The following SPAG16 variants were observed in gnomAD, a reference collection of about 807,000 sequenced individuals.
SPAG16 encodes sperm associated antigen 16.
Under a neutral mutation model 80.4 loss-of-function variants are expected in SPAG16, and 86 were observed. The observed-to-expected ratio is 1.07, with a 90% confidence interval of 0.90 to 1.28. SPAG16 has a LOEUF of 1.28. Among genes scored for constraint, SPAG16 ranks in the 50% most tolerant of loss-of-function variants. The probability of loss-of-function intolerance (pLI) is 0.00; values close to 1 mark genes in which losing one functional copy is unlikely to be tolerated. For missense variants in SPAG16, 870 were observed against 765.3 expected (o/e 1.14, Z -1.61); for synonymous variants, 294 against 265.9 (o/e 1.11, Z -1.03).
chr2:213,803,006 C>G (rs2556296), intron 10 of SPAG16, among the ~76,000 whole-genome samples: 1 of 151,494 alleles, frequency 6.6e-6, no homozygotes, highest in Admixed American at 6.6e-5. Flanking sequence ...GGGCAGTGTA[C>G]GTAGGAATCT....
intron 3 of SPAG16, among the ~76,000 whole-genome samples, chr2:213,298,409 G>A (rs1477521375): frequency 6.6e-6 from 1 of 152,144 alleles, no homozygotes. Flanking sequence ...CAACTGATAT[G>A]TTTATTCATT....
chr2:213,633,255 T>C (rs1258344252), intron 10 of SPAG16, among the ~76,000 whole-genome samples: 2 of 152,182 alleles, frequency 1.3e-5, no homozygotes, highest in Non-Finnish European at 1.5e-5. Flanking sequence ...TATGTTGGCA[T>C]ATAGTTGCTC....
At chr2:213,360,881 A>G (rs1232259851) in intron 7 of SPAG16, among the ~76,000 whole-genome samples, 1 of 152,168 alleles carries the variant, frequency 6.6e-6, no homozygotes, top group African/African-American at 2.4e-5. Flanking sequence ...TTCATTTCCA[A>G]CCAAACTTTA....
chr2:213,951,083 T>G (rs935331812), intron 12 of SPAG16, among the ~76,000 whole-genome samples: 2 of 152,008 alleles, frequency 1.3e-5, no homozygotes, highest in Non-Finnish European at 2.9e-5. Context: ...GAAGCACTTT[T>G]AGTTTGATAA....
intron 10 of SPAG16, among the ~76,000 whole-genome samples, chr2:213,511,826 A>G (rs1438788667): frequency 1.3e-5 from 2 of 152,114 alleles, no homozygotes. Flanking sequence ...TTATAGAGCT[A>G]TATAAAACAG....
Position 213,943,880 on chromosome 2 carries a change from C to T in SPAG16, c.1400+13735C>T, listed in dbSNP as rs761044580. Among the ~76,000 whole-genome samples the T allele has an allele frequency of 1.4e-4, 21 of 152,158 alleles. No homozygotes were observed. The South Asian group carries it at 1.9e-3, about 14-fold the overall frequency. ...TCTCAACAGAAGCCAGTTATAGAGACGGAAATACACCACAGAAATACTGGC... is the reference window on the plus strand; with the variant it reads ...TCTCAACAGAAGCCAGTTATAGAGATGGAAATACACCACAGAAATACTGGC... On this transcript the variant is annotated intron_variant, in intron 12 of 15. Coordinates refer to ENST00000331683, the MANE Select transcript of SPAG16 (RefSeq NM_024532.5).
intron 9 of SPAG16, among the ~76,000 whole-genome samples, chr2:213,417,116 G>T (rs1427509102): frequency 6.6e-5 from 10 of 152,154 alleles, no homozygotes; most frequent in Admixed American, 5.9e-4. Context: ...CTTATCAAAG[G>T]CATGATCTTG....
chr2:214,401,691 A>C (rs1385979050), intron 15 of SPAG16, among the ~76,000 whole-genome samples: 1 of 151,898 alleles, frequency 6.6e-6, no homozygotes, highest in Non-Finnish European at 1.5e-5. Flanking sequence ...TCTTATAACA[A>C]AGCTCCATTC....
At position 213,644,356 on chromosome 2, in the gene SPAG16, T is replaced by C. The variant is rs573912468; in HGVS notation, c.1070+154266T>C. The stretch of plus-strand genomic sequence containing the variant: ...TCCAGGATTGGTTCCTGGTGACTTA[T>C]TTAGTTTATTTGGTGAGGTCATGTT... On this transcript the variant is annotated intron_variant, in intron 10 of 15. Transcript: ENST00000331683. Among the ~76,000 whole-genome samples the C allele has an allele frequency of 7.6e-4, 115 of 152,216 alleles. 2 individuals carry two copies. In the Middle Eastern group the frequency reaches 0.01, roughly 14 times the overall value.
intron 13 of SPAG16, among the ~76,000 whole-genome samples, chr2:214,030,247 A>C (rs2048343249): frequency 6.6e-6 from 1 of 152,142 alleles, no homozygotes. Flanking sequence ...CTGAGGTTGG[A>C]TTATTTCACT....
intron 12 of SPAG16, among the ~76,000 whole-genome samples, chr2:214,003,330 A>G (rs1250950806): frequency 6.6e-6 from 1 of 152,192 alleles, no homozygotes; most frequent in African/African-American, 2.4e-5. Context: ...ATTTCTATAC[A>G]ATGTATATGT....
chr2:213,759,266 G>A (rs887821089), intron 10 of SPAG16, among the ~76,000 whole-genome samples: 2 of 151,812 alleles, frequency 1.3e-5, no homozygotes, highest in African/African-American at 4.8e-5. Flanking sequence ...AATTATAAAA[G>A]CTTATATTAT....
intron 5 of SPAG16, among the ~76,000 whole-genome samples, chr2:213,335,932 C>G (rs759685661): frequency 7.0e-6 from 1 of 142,106 alleles, no homozygotes; most frequent in African/African-American, 2.6e-5. Context: ...AGAAACAGCT[C>G]CACTCTGTGG....
chr2:213,475,114 G>T lies in SPAG16; in HGVS notation c.943-14849G>T, dbSNP rs567399977. Among the ~76,000 whole-genome samples the T allele has an allele frequency of 6.8e-4, 103 of 152,286 alleles. 1 individual carries two copies. Among genetic ancestry groups the T allele is most frequent in the South Asian group, 1.5e-3 (7 of 4,824 alleles). Reference sequence around the variant, plus strand: ...CACTTGCAGGGCTGTCTGCTTCTCAGCGGTAGTCAGGATTCGATTCCAAAG... The same window carrying T: ...CACTTGCAGGGCTGTCTGCTTCTCATCGGTAGTCAGGATTCGATTCCAAAG... On this transcript the variant is annotated intron_variant, in intron 9 of 15. Transcript: ENST00000331683.
intron 9 of SPAG16, among the ~76,000 whole-genome samples, chr2:213,475,679 G>A (rs1343128899): frequency 6.6e-6 from 1 of 152,108 alleles, no homozygotes; most frequent in Non-Finnish European, 1.5e-5. Context: ...CTCTGTCCTA[G>A]CCTTCTGTTG....
At chr2:214,340,127 G>A (rs148011333) in intron 15 of SPAG16, among the ~76,000 whole-genome samples, 9 of 152,288 alleles carry the variant, frequency 5.9e-5, no homozygotes, top group African/African-American at 9.6e-5. Context: ...GAACAAGAAC[G>A]CAAGAGAGTA....
intron 12 of SPAG16, among the ~76,000 whole-genome samples, chr2:213,984,833 A>C (rs545566386): frequency 1.3e-5 from 2 of 152,118 alleles, no homozygotes; most frequent in Non-Finnish European, 1.5e-5. Flanking sequence ...CTTCCAAATA[A>C]GCTTATGCCT....
chr2:213,530,872 C>T lies in SPAG16; in HGVS notation c.1070+40782C>T, dbSNP rs2076043076. ...TCAACCTTTTTTTGATTTTATGTAC[C>T]AATCATGTGTTTGTATATTTGTGCT... On this transcript the variant is annotated intron_variant, in intron 10 of 15. Transcript: ENST00000331683. Among the ~76,000 whole-genome samples, 3 of 151,406 alleles carry T rather than the reference C, an allele frequency of 2.0e-5. No individual in the cohort carries two copies. In the South Asian group the frequency reaches 6.3e-4, roughly 32 times the overall value.
chr2:214,240,947 T>C (rs1378155440), intron 15 of SPAG16: 1 of 152,186 alleles, frequency 6.6e-6, no homozygotes, highest in Non-Finnish European at 1.5e-5. Context: ...TAGAGTAGAT[T>C]AGAAATTATA....
Sources: allele counts gnomAD v4.1 joint callset (sites outside exome capture counted in the v4.1 genomes callset), GRCh38; gene constraint gnomAD v4.1.1; transcripts MANE v1.5; gene names NCBI Gene and HGNC (gene_info 2026-07-23, HGNC 2026-07-21).